DPF3: variants seen among roughly 807,000 people sequenced by gnomAD.
DPF3 encodes the protein zinc finger protein DPF3.
In DPF3, 18 loss-of-function variants were observed where a neutral mutation model predicts 56.8. That is an observed-to-expected ratio of 0.32 (90% confidence interval 0.22 to 0.47). The LOEUF is 0.47. Ranked by LOEUF, DPF3 falls within the 20% of genes least tolerant of loss-of-function variation. The pLI, the probability that DPF3 is intolerant of heterozygous loss-of-function variation, is 1.00. For missense variants in DPF3, 403 were observed against 488.8 expected, an observed-to-expected ratio of 0.82 and a Z score of 1.65; for synonymous variants, 188 against 180.2, an observed-to-expected ratio of 1.04 and a Z score of -0.35.
intron 5 of DPF3, among the ~76,000 whole-genome samples, chr14:72,722,344 C>T (rs546131522): frequency 6.6e-6 from 1 of 152,348 alleles, no homozygotes; most frequent in Non-Finnish European, 1.5e-5. Flanking sequence ...GGCTGCACAG[C>T]CCCACATGCG....
chr14:72,818,582 C>A (rs949221792), intron 1 of DPF3, among the ~76,000 whole-genome samples: 1 of 152,088 alleles, frequency 6.6e-6, no homozygotes, highest in Non-Finnish European at 1.5e-5. Context: ...CAGGCTGAGG[C>A]GAGAGGACTG....
chr14:72,765,260 C>T (rs1358076986), intron 2 of DPF3, among the ~76,000 whole-genome samples: 2 of 152,080 alleles, frequency 1.3e-5, no homozygotes, highest in Non-Finnish European at 2.9e-5. Flanking sequence ...CAAGTGTTGG[C>T]AAGGATACAA....
At chr14:72,737,673 G>A (rs530048356) in intron 3 of DPF3, among the ~76,000 whole-genome samples, 32 of 152,292 alleles carry the variant, frequency 2.1e-4, no homozygotes, top group African/African-American at 7.5e-4. Flanking sequence ...GTTAGCTGTC[G>A]AGTTTGCAAG....
At chr14:72,723,594 C>T in intron 5 of DPF3, 39 bp downstream of exon 5, 3 of 1,524,450 alleles carry the variant, frequency 2.0e-6, no homozygotes, top group Non-Finnish European at 2.6e-6. Context: ...ACCCCAGCCT[C>T]CCTCATCTCT....
chr14:72,703,285 A>G (rs1426770611), intron 6 of DPF3, among the ~76,000 whole-genome samples: 1 of 151,944 alleles, frequency 6.6e-6, no homozygotes, highest in Non-Finnish European at 1.5e-5. Flanking sequence ...GATTGGGGGT[A>G]GGGGTGGGGT....
At chr14:72,623,925 A>C (rs74062316) in intron 9 of DPF3, among the ~76,000 whole-genome samples, 3,667 of 152,170 alleles carry the variant, frequency 0.024, 143 homozygotes, top group African/African-American at 0.083. Flanking sequence ...TACATATTAC[A>C]AAGTAAGGAA....
chr14:72,689,772 G>C (rs114090394), intron 7 of DPF3, among the ~76,000 whole-genome samples: 1,893 of 152,234 alleles, frequency 0.012, 50 homozygotes, highest in African/African-American at 0.043. Context: ...AACCTGGGAC[G>C]ACCAGCTGCC....
intron 9 of DPF3, among the ~76,000 whole-genome samples, chr14:72,621,874 A>G (rs1293405645): frequency 3.3e-5 from 5 of 152,320 alleles, no homozygotes; most frequent in South Asian, 4.1e-4. Context: ...CAGCCACCCA[A>G]TGGGACATGG....
chr14:72,843,034 T>A (rs1276447731), intron 1 of DPF3, among the ~76,000 whole-genome samples: 3 of 151,574 alleles, frequency 2.0e-5, no homozygotes, highest in Admixed American at 6.6e-5. Context: ...AAAAAATAAA[T>A]AAATAAATAA....
At chr14:72,804,333 T>C (rs184890073) in intron 1 of DPF3, among the ~76,000 whole-genome samples, 2 of 152,238 alleles carry the variant, frequency 1.3e-5, no homozygotes. Flanking sequence ...AGGTACATTA[T>C]GCCAACCTAT....
rs569819461 is a variant in DPF3 at position 72,678,758 on chromosome 14, G to A, written c.743-4390C>T. ...CTGGCATCTCTATGGCAGCATCTGC[G>A]ATGATGGATGTGGTTTTCTGTTGAT... On this transcript the variant is annotated intron_variant, in intron 7 of 10. Coordinates refer to ENST00000556509, the MANE Select transcript of DPF3 (RefSeq NM_001280542.3). Among the ~76,000 whole-genome samples, 7 of 152,342 alleles carry A rather than the reference G, an allele frequency of 4.6e-5. No homozygotes were observed. In the South Asian group the frequency reaches 6.2e-4, roughly 14 times the overall value.
chr14:72,858,002 G>A (rs1228721867), intron 1 of DPF3, among the ~76,000 whole-genome samples: 19 of 151,486 alleles, frequency 1.3e-4, no homozygotes, highest in Non-Finnish European at 7.4e-5. Context: ...AACGTTCAGA[G>A]CAAAATCAAA....
chr14:72,759,217 T>C (rs1401709634), intron 2 of DPF3, among the ~76,000 whole-genome samples: 1 of 151,298 alleles, frequency 6.6e-6, no homozygotes, highest in South Asian at 2.1e-4. Flanking sequence ...AAAAGACAGA[T>C]AAACTTGAAA....
chr14:72,628,890 G>A (rs1303079139), intron 9 of DPF3, among the ~76,000 whole-genome samples: 2 of 152,170 alleles, frequency 1.3e-5, no homozygotes, highest in Admixed American at 1.3e-4. Context: ...ATAAGATGGA[G>A]GGAAAAGTCT....
chr14:72,665,100 C>A (rs1400293360), intron 8 of DPF3, among the ~76,000 whole-genome samples: 70 of 152,166 alleles, frequency 4.6e-4, no homozygotes, highest in Admixed American at 4.4e-3. Context: ...CCATCTGGAG[C>A]TCTTTGTTGA....
At chr14:72,678,920 C>G (rs990534762) in intron 7 of DPF3, among the ~76,000 whole-genome samples, 1 of 151,972 alleles carries the variant, frequency 6.6e-6, no homozygotes, top group African/African-American at 2.4e-5. Context: ...AAATCAGGAA[C>G]AAAGTTCATG....
intron 2 of DPF3, among the ~76,000 whole-genome samples, chr14:72,769,882 A>G (rs938637622): frequency 1.1e-4 from 16 of 152,256 alleles, no homozygotes; most frequent in African/African-American, 3.4e-4. Flanking sequence ...GAACCAACTC[A>G]TTATTTTGAA....
At chr14:72,624,331 C>CTTT (rs1884669865) in intron 9 of DPF3, among the ~76,000 whole-genome samples, 1 of 97,276 alleles carries the variant, frequency 1.0e-5, no homozygotes, top group Non-Finnish European at 2.3e-5. Context: ...CCACCTATGT[C>CTTT]TCTTTTTTTT....
At chr14:72,805,496 C>T (rs1199951026) in intron 1 of DPF3, among the ~76,000 whole-genome samples, 1 of 151,548 alleles carries the variant, frequency 6.6e-6, no homozygotes, top group Non-Finnish European at 1.5e-5. Context: ...TGCATGGAAG[C>T]CCAAACCCCC....
Sources: gnomAD v4.1 joint callset for allele counts (sites outside exome capture counted in the v4.1 genomes callset) on GRCh38, gnomAD v4.1.1 for gene constraint, MANE v1.5 for transcripts, NCBI Gene and HGNC (gene_info 2026-07-23, HGNC 2026-07-21) for gene names.